Variants in TAPT1 observed in about 807,000 individuals in gnomAD.
TAPT1 encodes transmembrane anterior posterior transformation 1.
Under a neutral mutation model 65.6 loss-of-function variants are expected in TAPT1, and 28 were observed. That is an observed-to-expected ratio of 0.43 (90% CI 0.32 to 0.59). The LOEUF is 0.59. Among genes scored for constraint, TAPT1 ranks in the 20% least tolerant of loss-of-function variants. The pLI is 0.09. For missense variants in TAPT1, 563 were observed against 679.9 expected (o/e 0.83, Z 1.91); for synonymous variants, 278 against 245.2 (o/e 1.13, Z -1.25).
intron 13 of TAPT1, among the ~76,000 whole-genome samples, chr4:16,165,643 C>T (rs941165006): frequency 4.6e-5 from 7 of 152,082 alleles, no homozygotes; most frequent in Admixed American, 2.6e-4. Flanking sequence ...AGGGAACTGC[C>T]ACCTAACAAC....
In TAPT1 at chr4:16,166,735, C is replaced by T. The variant is rs772471035; in HGVS notation, c.1372G>A (p.Val458Met). ...IVLLGKSCQY[V>M]KEAKMEEKLS... ...TTCTCTTCCATTTTGGCTTCCTTCA[C>T]ATACTGGCACGATTTCCCCAACAGC... The change falls in exon 13 of 14, where the codon GTG becomes ATG. Residue 458 changes from valine (V) to methionine (M), a missense_variant. Physicochemically the swap from Val to Met is conservative, Grantham distance 21. Coordinates refer to ENST00000405303, the MANE Select transcript of TAPT1 (RefSeq NM_153365.3). 9.3e-6 allele frequency: 15 copies of T among 1,613,984 alleles called. No individual in the cohort carries two copies. In the South Asian group the frequency reaches 1.6e-4, roughly 18 times the overall value.
intron 5 of TAPT1, among the ~76,000 whole-genome samples, chr4:16,187,369 G>C (rs1401677301): frequency 6.6e-6 from 1 of 152,132 alleles, no homozygotes; most frequent in Non-Finnish European, 1.5e-5. Context: ...TAAGGCAGTA[G>C]GAAATATCTG....
chr4:16,216,789 T>C (rs1280533879), intron 1 of TAPT1, among the ~76,000 whole-genome samples: 1 of 152,184 alleles, frequency 6.6e-6, no homozygotes, highest in African/African-American at 2.4e-5. Flanking sequence ...TCTTCCCATC[T>C]TTCCTCCCTT....
chr4:16,174,754 T>G (rs1474535299), intron 9 of TAPT1, 25 bp from the exon 10 acceptor site: 1 of 1,495,024 alleles, frequency 6.7e-7, no homozygotes, highest in Non-Finnish European at 9.1e-7. Context: ...GAATGAAATA[T>G]CAAGTAATAC....
At chr4:16,178,508 T>C (rs1486623030) in intron 8 of TAPT1, among the ~76,000 whole-genome samples, 5 of 152,200 alleles carry the variant, frequency 3.3e-5, no homozygotes, top group Non-Finnish European at 5.9e-5. Flanking sequence ...ACGTCAGACA[T>C]TCAAACAAAA....
intron 4 of TAPT1, among the ~76,000 whole-genome samples, chr4:16,189,432 A>G (rs1749222703): frequency 1.3e-5 from 2 of 152,246 alleles, no homozygotes; most frequent in South Asian, 4.1e-4. Context: ...GCATGCAGCA[A>G]GTGCCAACTA....
chr4:16,199,624 C>T (rs1749916417), intron 3 of TAPT1, among the ~76,000 whole-genome samples: 1 of 151,978 alleles, frequency 6.6e-6, no homozygotes, highest in Non-Finnish European at 1.5e-5. Context: ...GACAGTCTTG[C>T]TCTGTCAACC....
intron 4 of TAPT1, chr4:16,190,288 T>C (rs538818768): frequency 6.6e-5 from 10 of 151,922 alleles, no homozygotes; most frequent in African/African-American, 2.2e-4. Context: ...GAAAGATAAA[T>C]AGACCTTATT....
intron 7 of TAPT1, among the ~76,000 whole-genome samples, chr4:16,183,672 T>A (rs1368350708): frequency 6.6e-6 from 1 of 152,182 alleles, no homozygotes; most frequent in African/African-American, 2.4e-5. Context: ...GTTACTAATA[T>A]GAATTAATTT....
intron 5 of TAPT1, among the ~76,000 whole-genome samples, chr4:16,187,470 T>G (rs550103468): frequency 2.0e-5 from 3 of 152,190 alleles, no homozygotes; most frequent in Non-Finnish European, 4.4e-5. Context: ...TTAATTTATA[T>G]CTAAGAGTGG....
At chr4:16,169,068 T>C (rs1287654851) in intron 12 of TAPT1, among the ~76,000 whole-genome samples, 1 of 152,176 alleles carries the variant, frequency 6.6e-6, no homozygotes, top group Non-Finnish European at 1.5e-5. Context: ...ACAAGGTAGT[T>C]TTGAGAAAGC....
At chr4:16,214,664 C>A (rs540645302) in intron 1 of TAPT1, 51 of 152,332 alleles carry the variant, frequency 3.3e-4, no homozygotes, top group African/African-American at 1.2e-3. Context: ...ATGCTCGACC[C>A]CACCTCTTCC....
chr4:16,168,095 T>A (rs1442523038), intron 12 of TAPT1, among the ~76,000 whole-genome samples: 4 of 151,110 alleles, frequency 2.6e-5, no homozygotes, highest in Admixed American at 6.6e-5. Context: ...ATGCCAGTTT[T>A]ATAACCAGTG....
intron 11 of TAPT1, among the ~76,000 whole-genome samples, chr4:16,172,128 A>G (rs2149671965): frequency 6.6e-6 from 1 of 152,318 alleles, no homozygotes; most frequent in East Asian, 1.9e-4. Context: ...AGCACACTGC[A>G]GGTGTTCCAA....
chr4:16,191,250 G>A (rs1391834665), intron 4 of TAPT1, 111 bp downstream of exon 4: 7 of 1,131,236 alleles, frequency 6.2e-6, no homozygotes, highest in Non-Finnish European at 7.4e-6. Flanking sequence ...AAGGCCAGAA[G>A]CACCATAACT....
intron 1 of TAPT1, among the ~76,000 whole-genome samples, chr4:16,221,529 C>A (rs1468303341): frequency 6.6e-6 from 1 of 151,958 alleles, no homozygotes. Context: ...TTTTCTTCAC[C>A]CCTAAAAGAA....
At chr4:16,191,596 C>T (rs1417690862) in intron 3 of TAPT1, 73 bp from the exon 4 acceptor site, 51 of 1,380,498 alleles carry the variant, frequency 3.7e-5, no homozygotes, top group East Asian at 1.0e-4. Context: ...AATCTTTACT[C>T]GATATACACT....
chr4:16,213,262 G>A (rs1039244465), intron 2 of TAPT1, among the ~76,000 whole-genome samples: 3 of 152,308 alleles, frequency 2.0e-5, no homozygotes, highest in African/African-American at 7.2e-5. Flanking sequence ...ATGTAGTGCT[G>A]CTGTTACTAC....
intron 2 of TAPT1, among the ~76,000 whole-genome samples, chr4:16,212,639 T>G (rs754345643): frequency 2.0e-5 from 3 of 152,194 alleles, no homozygotes; most frequent in Non-Finnish European, 4.4e-5. Context: ...CCCAGGGAAC[T>G]CTAGTCCTCT....
Sources: allele counts gnomAD v4.1 joint callset (sites outside exome capture counted in the v4.1 genomes callset), GRCh38; gene constraint gnomAD v4.1.1; transcripts MANE v1.5; gene names NCBI Gene and HGNC (gene_info 2026-07-23, HGNC 2026-07-21).